Variants in ALOX5 observed in about 807,000 individuals in gnomAD.
The protein encoded by ALOX5 is arachidonate 5-lipoxygenase, also known as polyunsaturated fatty acid 5-lipoxygenase.
In ALOX5, 64 loss-of-function variants were observed where a neutral mutation model predicts 87.9. That is an observed-to-expected ratio of 0.73 (90% CI 0.60 to 0.90). The LOEUF (loss-of-function observed/expected upper bound fraction) is 0.90. Among genes scored for constraint, ALOX5 ranks in the 40% least tolerant of loss-of-function variants. The pLI is 0.00. For missense variants in ALOX5, 822 were observed against 907.5 expected, an observed-to-expected ratio of 0.91 and a Z score of 1.21; for synonymous variants, 388 against 355.1, an observed-to-expected ratio of 1.09 and a Z score of -1.04.
rs764851598 is a variant in ALOX5, at chr10:45,374,448, C to T, written c.150+19C>T. 22 of 1,523,428 alleles carry T rather than the reference C, an allele frequency of 1.4e-5. No individual in the cohort carries two copies. The highest frequency in any genetic ancestry group is 1.8e-5 in the Non-Finnish European group (21 of 1,139,404). The allele number at this position is 1,523,428 out of a possible 1,614,324, so 94.4% of individuals were successfully genotyped here. On this transcript the variant is annotated intron_variant, in intron 1 of 13. Coordinates refer to ENST00000374391, the MANE Select transcript of ALOX5 (RefSeq NM_000698.5). ...TGGCGCGGTGAGCGCGGGCGGGGCA[C>T]GGGTGGAGCGCGGGCTGAGGTGCGT...
rs758819437 is a variant in ALOX5, at chr10:45,443,189, G to T, written c.1424G>T (p.Gly475Val). 5 of 1,613,540 alleles carry T rather than the reference G, an allele frequency of 3.1e-6. No homozygotes were observed. The African/African-American group carries it at 6.7e-5, about 22-fold the overall frequency. ...CCCTACTACTTCTACCGGGACGACG[G>T]GCTCCTGGTGTGGGAAGCCATCAGG... ...DIPYYFYRDD[G>V]LLVWEAIRTF... Residue 475 changes from glycine (G) to valine (V), a missense_variant, in exon 10 of 14, where the codon GGG (glycine) becomes GTG (valine). Transcript: ENST00000374391.
At position 45,445,603 on chromosome 10, in the gene ALOX5, C is replaced by T. The variant is rs769137889; in HGVS notation, c.1941C>T (p.Ser647=). Residue 647 remains serine (S), a synonymous_variant, in exon 14 of 14, where the codon AGC becomes AGT. Transcript: ENST00000374391. ...RFRKNLEAIV[S]VIAERNKKKQ... is the part of the protein sequence containing the mutation. ...GCAAGAACCTCGAGGCCATTGTCAG[C>T]GTGATTGCTGAGCGCAACAAGAAGA... The T allele has an allele frequency of 5.0e-6, 8 of 1,614,146 alleles. 1 individual carries two copies. In the South Asian group the frequency reaches 5.5e-5, roughly 11 times the overall value.
chr10:45,440,116 G>A (rs974455625), intron 7 of ALOX5, among the ~76,000 whole-genome samples: 2 of 152,154 alleles, frequency 1.3e-5, no homozygotes, highest in East Asian at 3.9e-4. Flanking sequence ...TGGGCCTTCG[G>A]CCTGCCCGCT....
At chr10:45,396,653 A>C (rs1451804440) in intron 3 of ALOX5, among the ~76,000 whole-genome samples, 1 of 152,226 alleles carries the variant, frequency 6.6e-6, no homozygotes, top group African/African-American at 2.4e-5. Context: ...TCTATCAAAC[A>C]TTTAAAGAAT....
intron 4 of ALOX5, among the ~76,000 whole-genome samples, chr10:45,413,066 G>A (rs1000648044): frequency 6.6e-6 from 1 of 152,186 alleles, no homozygotes; most frequent in Non-Finnish European, 1.5e-5. Context: ...AATAGAAAAA[G>A]AGGGAATCCT....
chr10:45,403,816 C>T (rs1390472230), intron 3 of ALOX5, among the ~76,000 whole-genome samples: 2 of 152,282 alleles, frequency 1.3e-5, no homozygotes, highest in African/African-American at 2.4e-5. Flanking sequence ...GCAGTGCACA[C>T]GTTGTGCTTG....
At chr10:45,423,986 C>G (rs903552817) in intron 4 of ALOX5, 55 bp from the exon 5 acceptor site, 1 of 1,412,656 alleles carries the variant, frequency 7.1e-7, no homozygotes, top group Admixed American at 1.7e-5. Context: ...TGAAGGGGCT[C>G]TGCAGAGGGA....
Position 45,444,107 on chromosome 10 carries a change from T to A in ALOX5, c.1675-9T>A. 1 of 1,527,084 alleles carries A rather than the reference T, an allele frequency of 6.5e-7. No homozygotes were observed. Among genetic ancestry groups the A allele is most frequent in the Non-Finnish European group, 8.8e-7 (1 of 1,131,330 alleles). 94.6% of individuals were successfully genotyped at this position (1,527,084 alleles called of 1,614,324 possible). On this transcript the variant is annotated splice_polypyrimidine_tract_variant and intron_variant, in intron 12 of 13. Coordinates refer to ENST00000374391, the MANE Select transcript of ALOX5 (RefSeq NM_000698.5). ...GGGTGCCCACGCTTGCTGGCGGTCGTCTCCGCAGTACGACTGGTGCTCCTG... is the reference window on the plus strand; with the variant it reads ...GGGTGCCCACGCTTGCTGGCGGTCGACTCCGCAGTACGACTGGTGCTCCTG...
chr10:45,424,287 A>G, intron 5 of ALOX5, 140 bp downstream of exon 5: 1 of 715,036 alleles, frequency 1.4e-6, no homozygotes, highest in Non-Finnish European at 2.5e-6. Flanking sequence ...CACCCTGGAC[A>G]GCACCCCCTA....
chr10:45,387,833 G>C (rs1840058962), intron 2 of ALOX5, among the ~76,000 whole-genome samples: 1 of 152,208 alleles, frequency 6.6e-6, no homozygotes, highest in Admixed American at 6.5e-5. Flanking sequence ...GTTCCAAGAT[G>C]GCCGAATAGG....
chr10:45,427,587 A>AG (rs1391025151), intron 6 of ALOX5, among the ~76,000 whole-genome samples: 2 of 152,276 alleles, frequency 1.3e-5, no homozygotes, highest in Admixed American at 6.5e-5. Context: ...GTGGAGCTGC[A>AG]GGGGGGCGCT....
chr10:45,427,751 A>C (rs1841771969), intron 6 of ALOX5, among the ~76,000 whole-genome samples: 1 of 152,074 alleles, frequency 6.6e-6, no homozygotes, highest in Non-Finnish European at 1.5e-5. Flanking sequence ...CCTACCCTGC[A>C]CCTGGCGTTC....
intron 13 of ALOX5, chr10:45,444,961 C>G (rs906350659): frequency 6.5e-6 from 1 of 154,474 alleles, no homozygotes; most frequent in African/African-American, 2.4e-5. Flanking sequence ...CTTTCCAGCT[C>G]AGAAGCTTTG....
At chr10:45,386,537 T>C (rs1840014081) in intron 2 of ALOX5, among the ~76,000 whole-genome samples, 1 of 151,934 alleles carries the variant, frequency 6.6e-6, no homozygotes, top group Admixed American at 6.5e-5. Flanking sequence ...TAGAAACTTT[T>C]ATAGCAACTT....
At chr10:45,379,212 A>G (rs3780894) in intron 1 of ALOX5, among the ~76,000 whole-genome samples, 25,061 of 151,940 alleles carry the variant, frequency 0.16, 2,136 homozygotes, top group South Asian at 0.19. Context: ...CCTCCCTCCC[A>G]TGAGAGTGTC....
At chr10:45,443,586 C>A in intron 11 of ALOX5, 49 bp downstream of exon 11, 1 of 1,599,610 alleles carries the variant, frequency 6.3e-7, no homozygotes, top group Non-Finnish European at 8.5e-7. Flanking sequence ...CAGTCGGCAG[C>A]GCTGGCCCCT....
intron 4 of ALOX5, 124 bp from the exon 5 acceptor site, chr10:45,423,917 T>C (rs1397234018): frequency 1.4e-6 from 1 of 735,044 alleles, no homozygotes; most frequent in Non-Finnish European, 2.4e-6. Flanking sequence ...GCCAGTCACC[T>C]ACCTCTGCAG....
chr10:45,382,491 A>C lies in ALOX5; in HGVS notation c.159A>C (p.Ser53=). The C allele has an allele frequency of 6.2e-7, 1 of 1,614,222 alleles. No homozygotes were observed. Among genetic ancestry groups the C allele is most frequent in the Non-Finnish European group, 8.5e-7 (1 of 1,180,050 alleles). ...CCTGTTCTCCTTCCCAGGTGGATTC[A>C]TACGACGTGACTGTGGACGAGGAAC... is the stretch of plus-strand genomic sequence containing the variant. ...YNDFERGAVD[S]YDVTVDEELG... The change falls in exon 2 of 14, where the codon TCA becomes TCC. Residue 53 remains serine (S), a synonymous_variant. Transcript: ENST00000374391.
intron 3 of ALOX5, among the ~76,000 whole-genome samples, chr10:45,401,667 A>T (rs1214220692): frequency 5.9e-5 from 9 of 152,162 alleles, no homozygotes; most frequent in Non-Finnish European, 1.5e-5. Flanking sequence ...GCTTCCCTGG[A>T]CATTTAGGAG....
Sources: gnomAD v4.1 joint callset for allele counts (sites outside exome capture counted in the v4.1 genomes callset) on GRCh38, gnomAD v4.1.1 for gene constraint, MANE v1.5 for transcripts, NCBI Gene and HGNC (gene_info 2026-07-23, HGNC 2026-07-21) for gene names.